FKBP5: variants seen among roughly 807,000 people sequenced by gnomAD.
FKBP5 encodes the protein peptidyl-prolyl cis-trans isomerase FKBP5.
Under a neutral mutation model 50.5 loss-of-function variants are expected in FKBP5, and 23 were observed. The ratio of observed to expected loss-of-function variants is 0.46; its 90% CI spans 0.33 to 0.65. The LOEUF (loss-of-function observed/expected upper bound fraction) is 0.65. Ranked by LOEUF, FKBP5 falls within the 30% of genes least tolerant of loss-of-function variation. The probability of loss-of-function intolerance (pLI) is 0.02; values close to 1 mark genes in which losing one functional copy is unlikely to be tolerated. For missense variants in FKBP5, 411 were observed against 553.1 expected (o/e 0.74, Z 2.58); for synonymous variants, 176 against 190.6 (o/e 0.92, Z 0.63).
At chr6:35,715,344 T>C (rs1486593240) in intron 2 of FKBP5, among the ~76,000 whole-genome samples, 2 of 152,218 alleles carry the variant, frequency 1.3e-5, no homozygotes, top group Admixed American at 1.3e-4. Flanking sequence ...GTATCATTTT[T>C]CCCAACTAGA....
At chr6:35,709,491 T>C (rs1232324837) in intron 2 of FKBP5, among the ~76,000 whole-genome samples, 1 of 152,200 alleles carries the variant, frequency 6.6e-6, no homozygotes, top group East Asian at 1.9e-4. Flanking sequence ...TATATACTGT[T>C]TGAATTTTTC....
At position 35,583,081 on chromosome 6, in the gene FKBP5, T is replaced by C. The variant is rs1488471481; in HGVS notation, c.841-2860A>G. 4.1e-6 allele frequency: 4 copies of C among 984,518 alleles called. No individual in the cohort carries two copies. In the African/African-American group the frequency reaches 5.3e-5, roughly 13 times the overall value. 61.0% of individuals were successfully genotyped at this position (984,518 alleles called of 1,614,324 possible). On this transcript the variant is annotated intron_variant, in intron 8 of 10. Coordinates refer to ENST00000357266, the MANE Select transcript of FKBP5 (RefSeq NM_004117.4). ...CAGCCTGGGTGACAGAGTAAGACCC[T>C]CTCTCTCTAAAAACAATACCAACAA...
chr6:35,630,106 A>G (rs1764107856), intron 3 of FKBP5, among the ~76,000 whole-genome samples: 1 of 151,946 alleles, frequency 6.6e-6, no homozygotes, highest in Non-Finnish European at 1.5e-5. Context: ...ATTGCATTCC[A>G]GCCCCAATAA....
intron 5 of FKBP5, among the ~76,000 whole-genome samples, chr6:35,599,719 T>C (rs777522637): frequency 8.5e-5 from 13 of 152,210 alleles, no homozygotes; most frequent in African/African-American, 3.1e-4. Flanking sequence ...AGCTCGCATA[T>C]GGCATTTTAG....
At chr6:35,656,895 C>A (rs374451321) in intron 1 of FKBP5, among the ~76,000 whole-genome samples, 249 of 110,904 alleles carry the variant, frequency 2.2e-3, no homozygotes, top group South Asian at 3.5e-3. Context: ...GACTCCGTCT[C>A]AAAAAAAAAA....
intron 1 of FKBP5, among the ~76,000 whole-genome samples, chr6:35,650,761 C>G (rs1334260597): frequency 6.6e-6 from 1 of 152,124 alleles, no homozygotes; most frequent in Non-Finnish European, 1.5e-5. Flanking sequence ...CAGACATGAG[C>G]CACCGCACCT....
intron 2 of FKBP5, among the ~76,000 whole-genome samples, chr6:35,703,195 A>G (rs1766222795): frequency 6.6e-6 from 1 of 151,560 alleles, no homozygotes; most frequent in Non-Finnish European, 1.5e-5. Flanking sequence ...GGTTGCAATG[A>G]GCCGAGATCA....
chr6:35,715,726 T>C (rs1361717327), intron 2 of FKBP5, among the ~76,000 whole-genome samples: 1 of 152,246 alleles, frequency 6.6e-6, no homozygotes, highest in East Asian at 1.9e-4. Flanking sequence ...GGCTGTGCCA[T>C]GCCAGGCATT....
chr6:35,717,116 G>A (rs1159665980), intron 2 of FKBP5, among the ~76,000 whole-genome samples: 9 of 152,170 alleles, frequency 5.9e-5, no homozygotes, highest in Non-Finnish European at 1.0e-4. Flanking sequence ...CTGTCCCAGA[G>A]TAAACCCACA....
At chr6:35,635,839 T>C (rs1764295801) in intron 3 of FKBP5, among the ~76,000 whole-genome samples, 1 of 152,190 alleles carries the variant, frequency 6.6e-6, no homozygotes, top group Non-Finnish European at 1.5e-5. Flanking sequence ...TTGAAGTACA[T>C]AGAGAAGAAA....
intron 2 of FKBP5, among the ~76,000 whole-genome samples, chr6:35,698,503 C>T (rs1253183478): frequency 3.3e-5 from 5 of 151,570 alleles, no homozygotes; most frequent in African/African-American, 4.9e-5. Context: ...AAAAATTAGC[C>T]GGGCTTGGTG....
intron 4 of FKBP5, among the ~76,000 whole-genome samples, chr6:35,619,728 C>CT (rs1373110992): frequency 6.6e-6 from 1 of 152,200 alleles, no homozygotes; most frequent in Non-Finnish European, 1.5e-5. Context: ...CCAACGGCTT[C>CT]TAGAGAAGTG....
Position 35,606,386 on chromosome 6 carries a change from T to C in FKBP5, c.509-8982A>G, listed in dbSNP as rs575968003. Among the ~76,000 whole-genome samples, 15 of 151,978 alleles carry C rather than the reference T, an allele frequency of 9.9e-5. No homozygotes were observed. In the East Asian group the frequency reaches 2.5e-3, roughly 25 times the overall value. On this transcript the variant is annotated intron_variant, in intron 5 of 10. Transcript: ENST00000357266. ...TTAATAAAAAGTCAAGGCCGGGCGC[T>C]GTGACTCATGCCTTTAATCCCAGCA...
At chr6:35,672,760 C>T (rs372451801) in intron 1 of FKBP5, among the ~76,000 whole-genome samples, 1 of 74,724 alleles carries the variant, frequency 1.3e-5, no homozygotes, top group Admixed American at 1.4e-4. Context: ...CTTGTCTCTA[C>T]TAAAAAAAAA....
intron 1 of FKBP5, among the ~76,000 whole-genome samples, chr6:35,673,960 T>C (rs2151006239): frequency 6.6e-6 from 1 of 152,286 alleles, no homozygotes; most frequent in Admixed American, 6.5e-5. Flanking sequence ...ATGCCTCTAC[T>C]TCCTCTGAAC....
chr6:35,627,083 T>C (rs780679440), intron 3 of FKBP5, among the ~76,000 whole-genome samples: 3 of 152,224 alleles, frequency 2.0e-5, no homozygotes, highest in Non-Finnish European at 2.9e-5. Context: ...TGCACTATTT[T>C]ACATTCCCAC....
At chr6:35,670,276 T>TTA (rs1294376241) in intron 1 of FKBP5, among the ~76,000 whole-genome samples, 2 of 152,102 alleles carry the variant, frequency 1.3e-5, no homozygotes, top group Non-Finnish European at 2.9e-5. Flanking sequence ...GACAATTTTT[T>TTA]TAAATAAAAG....
chr6:35,635,207 C>T (rs1250717740), intron 3 of FKBP5, among the ~76,000 whole-genome samples: 4 of 151,936 alleles, frequency 2.6e-5, no homozygotes, highest in Non-Finnish European at 5.9e-5. Context: ...TGGTGGTGTA[C>T]GCCTGTAGTC....
chr6:35,630,578 C>T (rs555042352), intron 3 of FKBP5, among the ~76,000 whole-genome samples: 2 of 152,116 alleles, frequency 1.3e-5, no homozygotes, highest in Non-Finnish European at 2.9e-5. Flanking sequence ...GTATATCAGG[C>T]ACTCGATAAA....
Sources: allele counts gnomAD v4.1 joint callset (sites outside exome capture counted in the v4.1 genomes callset), GRCh38; gene constraint gnomAD v4.1.1; transcripts MANE v1.5; gene names NCBI Gene and HGNC (gene_info 2026-07-23, HGNC 2026-07-21).